RBFOX1: variants seen among roughly 807,000 people sequenced by gnomAD.
RBFOX1 encodes the protein RNA binding fox-1 homolog 1.
Under a neutral mutation model 57.7 loss-of-function variants are expected in RBFOX1, and 8 were observed. The observed-to-expected ratio is 0.14, with a 90% confidence interval of 0.08 to 0.25. The LOEUF is 0.25. Ranked by LOEUF, RBFOX1 falls within the 10% of genes least tolerant of loss-of-function variation. RBFOX1 has a pLI of 1.00. For missense variants in RBFOX1, 611 were observed against 548.5 expected (o/e 1.11, Z -1.14); for synonymous variants, 326 against 222.4 (o/e 1.47, Z -4.15).
chr16:7,327,143 C>T (rs1401121756), intron 4 of RBFOX1, among the ~76,000 whole-genome samples: 1 of 152,096 alleles, frequency 6.6e-6, no homozygotes, highest in East Asian at 1.9e-4. Context: ...GCAGGGACAA[C>T]TTTGCAGAAG....
At chr16:6,305,647 T>C (rs1460996278) in intron 1 of RBFOX1, among the ~76,000 whole-genome samples, 3 of 131,030 alleles carry the variant, frequency 2.3e-5, no homozygotes, top group Non-Finnish European at 5.4e-5. Flanking sequence ...GTCATACTCT[T>C]AGCTTTTTTT....
chr16:5,969,313 T>G (rs2059914393), intron 4 of RBFOX1, among the ~76,000 whole-genome samples: 1 of 133,380 alleles, frequency 7.5e-6, no homozygotes, highest in African/African-American at 2.9e-5. Flanking sequence ...TTTTTTTTTT[T>G]TTTTTTTTTT....
rs181096095 is a variant in RBFOX1, at chr16:7,045,098, C to T, written c.-15-6959C>T. On this transcript the variant is annotated intron_variant, in intron 3 of 15. Coordinates refer to ENST00000550418, the MANE Select transcript of RBFOX1 (RefSeq NM_018723.4). The stretch of plus-strand genomic sequence containing the variant: ...AAAGCATGGATCTGCATTCGATGAT[C>T]CCTACTTAAAGGAGGGGAGGTCACT... 2.6e-5 allele frequency among the ~76,000 whole-genome samples: 4 copies of T among 152,222 alleles called. 1 individual carries two copies. The highest frequency in any genetic ancestry group is 7.2e-5 in the African/African-American group (3 of 41,546).
At chr16:7,609,657 C>T (rs771627914) in intron 10 of RBFOX1, among the ~76,000 whole-genome samples, 7 of 152,020 alleles carry the variant, frequency 4.6e-5, no homozygotes, top group African/African-American at 1.2e-4. Context: ...ATGCTCATGG[C>T]GATTTTCCAA....
At chr16:5,248,040 A>G (rs2062347165) in intron 1 of RBFOX1, among the ~76,000 whole-genome samples, 1 of 152,190 alleles carries the variant, frequency 6.6e-6, no homozygotes, top group African/African-American at 2.4e-5. Flanking sequence ...GCCCTGTTCT[A>G]ACATTTTCCT....
At chr16:6,479,895 C>G (rs2095344746) in intron 2 of RBFOX1, among the ~76,000 whole-genome samples, 1 of 151,400 alleles carries the variant, frequency 6.6e-6, no homozygotes, top group Non-Finnish European at 1.5e-5. Context: ...ACTAAAAATA[C>G]AAAAAATTAG....
chr16:6,903,850 G>C (rs539582395), intron 3 of RBFOX1, among the ~76,000 whole-genome samples: 11 of 152,228 alleles, frequency 7.2e-5, no homozygotes, highest in South Asian at 2.1e-4. Flanking sequence ...GGGAATGCAC[G>C]TCATTACTTG....
chr16:7,125,411 C>T (rs1474744626), intron 4 of RBFOX1, among the ~76,000 whole-genome samples: 1 of 152,202 alleles, frequency 6.6e-6, no homozygotes, highest in African/African-American at 2.4e-5. Context: ...AGCGTCAACT[C>T]TTGTATCCAC....
intron 1 of RBFOX1, among the ~76,000 whole-genome samples, chr16:6,141,735 T>C (rs1013580909): frequency 1.3e-5 from 2 of 152,158 alleles, no homozygotes; most frequent in Non-Finnish European, 1.5e-5. Flanking sequence ...TTTTTCTCCA[T>C]TGTGTAATTA....
intron 14 of RBFOX1, chr16:7,693,416 CTTTTTT>C (rs60812796): frequency 1.0e-5 from 8 of 783,228 alleles, no homozygotes; most frequent in Middle Eastern, 2.8e-4. Flanking sequence ...TCTCAGTATC[CTTTTTT>C]TTTTTTTTTT....
chr16:5,295,685 G>A (rs966426880), intron 1 of RBFOX1, among the ~76,000 whole-genome samples: 1 of 152,164 alleles, frequency 6.6e-6, no homozygotes, highest in African/African-American at 2.4e-5. Flanking sequence ...AAGACAGACA[G>A]TCTCCTAGCA....
intron 10 of RBFOX1, among the ~76,000 whole-genome samples, chr16:7,626,404 T>C (rs1392485180): frequency 1.3e-5 from 2 of 152,176 alleles, no homozygotes; most frequent in Non-Finnish European, 2.9e-5. Context: ...CACTGGAGGA[T>C]TCAAAATCCT....
At chr16:7,124,087 C>T (rs1435427977) in intron 4 of RBFOX1, among the ~76,000 whole-genome samples, 4 of 152,042 alleles carry the variant, frequency 2.6e-5, no homozygotes, top group Non-Finnish European at 5.9e-5. Flanking sequence ...TCCCAAATGC[C>T]CAGTGTTTTA....
chr16:6,313,092 G>A (rs2080574529), intron 1 of RBFOX1, among the ~76,000 whole-genome samples: 1 of 152,160 alleles, frequency 6.6e-6, no homozygotes, highest in Admixed American at 6.5e-5. Flanking sequence ...CCCAGTCAAA[G>A]CCATAGCATG....
chr16:7,393,424 A>G (rs544654004), intron 4 of RBFOX1, among the ~76,000 whole-genome samples: 3 of 152,260 alleles, frequency 2.0e-5, no homozygotes, highest in African/African-American at 7.2e-5. Flanking sequence ...ATTACACTCA[A>G]GTACACACTT....
chr16:7,050,696 A>C (rs182765710), intron 3 of RBFOX1, among the ~76,000 whole-genome samples: 2 of 152,260 alleles, frequency 1.3e-5, no homozygotes, highest in East Asian at 1.9e-4. Context: ...TCATATCTCT[A>C]TATTTAAAAC....
At chr16:6,803,707 A>G (rs2086036743) in intron 3 of RBFOX1, among the ~76,000 whole-genome samples, 1 of 152,260 alleles carries the variant, frequency 6.6e-6, no homozygotes, top group East Asian at 1.9e-4. Context: ...CAGAGAATAG[A>G]GACTTTGTTT....
intron 4 of RBFOX1, among the ~76,000 whole-genome samples, chr16:7,156,497 G>A (rs1355861055): frequency 1.3e-5 from 2 of 151,670 alleles, no homozygotes; most frequent in African/African-American, 4.9e-5. Flanking sequence ...ATCTATGTGT[G>A]CATATACATG....
intron 4 of RBFOX1, among the ~76,000 whole-genome samples, chr16:7,318,652 A>G (rs553360141): frequency 6.6e-6 from 1 of 152,356 alleles, no homozygotes; most frequent in East Asian, 1.9e-4. Flanking sequence ...TTTGTTAAAT[A>G]AAGTGTCAGT....
Sources: allele counts gnomAD v4.1 joint callset (sites outside exome capture counted in the v4.1 genomes callset), GRCh38; gene constraint gnomAD v4.1.1; transcripts MANE v1.5; gene names NCBI Gene and HGNC (gene_info 2026-07-23, HGNC 2026-07-21).